The following DDX42 variants were observed in gnomAD, a reference collection of about 807,000 sequenced individuals.
DDX42 encodes the protein ATP-dependent RNA helicase DDX42.
DDX42 carries 22 observed loss-of-function variants against 101.5 expected under a neutral mutation model. That is an observed-to-expected ratio of 0.22 (90% CI 0.15 to 0.31). The LOEUF (loss-of-function observed/expected upper bound fraction) is 0.31. Among genes scored for constraint, DDX42 ranks in the 10% least tolerant of loss-of-function variants. The pLI is 1.00. For synonymous variants in DDX42, 402 were observed against 401.2 expected (o/e 1.00, Z -0.02); for missense variants, 849 against 1,199.9 (o/e 0.71, Z 4.32).
Position 63,811,920 on chromosome 17 carries a change from C to G in DDX42, c.1399-12C>G, listed in dbSNP as rs745489637. 1.2e-6 allele frequency: 2 copies of G among 1,614,180 alleles called. No homozygotes were observed. The highest frequency in any genetic ancestry group is 1.7e-6 in the Non-Finnish European group (2 of 1,179,998). On this transcript the variant is annotated splice_polypyrimidine_tract_variant and intron_variant, in intron 13 of 17. Coordinates refer to ENST00000389924, the MANE Select transcript of DDX42 (RefSeq NM_203499.3). Reference sequence around the variant, plus strand: ...AATGTCACAATCATCTGTTTCATTTCTTCCTTCTCAGGCAAATGAAGATGT... The same window carrying G: ...AATGTCACAATCATCTGTTTCATTTGTTCCTTCTCAGGCAAATGAAGATGT...
chr17:63,793,211 A>G (rs1396747421), intron 3 of DDX42, among the ~76,000 whole-genome samples: 1 of 151,588 alleles, frequency 6.6e-6, no homozygotes, highest in Non-Finnish European at 1.5e-5. Flanking sequence ...CTCTTGTTTT[A>G]TCCAATCTCT....
At chr17:63,789,938 C>T (rs1251705906) in intron 2 of DDX42, among the ~76,000 whole-genome samples, 2 of 152,122 alleles carry the variant, frequency 1.3e-5, no homozygotes, top group African/African-American at 4.8e-5. Flanking sequence ...GTCAAATATA[C>T]AAGTAGTGTT....
intron 1 of DDX42, among the ~76,000 whole-genome samples, chr17:63,785,498 A>G (rs1398100544): frequency 6.9e-6 from 1 of 145,388 alleles, no homozygotes; most frequent in Non-Finnish European, 1.5e-5. Flanking sequence ...GCAGTGGCTC[A>G]TGCCTGTAAT....
Position 63,818,795 on chromosome 17 carries a change from A to T in DDX42, c.*397A>T, listed in dbSNP as rs1417179568. 1.2e-5 allele frequency: 2 copies of T among 163,974 alleles called. No individual in the cohort carries two copies. Among genetic ancestry groups the T allele is most frequent in the Non-Finnish European group, 2.7e-5 (2 of 73,916 alleles). 10.2% of individuals were successfully genotyped at this position (163,974 alleles called of 1,614,324 possible). The stretch of plus-strand genomic sequence containing the variant: ...CTTTTTCTTAGTTGTATGGCCAGGC[A>T]GTCCCCATTTTAGGAGTTGGCTTCT... On this transcript the variant is annotated 3_prime_UTR_variant, in exon 18 of 18. Transcript: ENST00000389924.
At chr17:63,782,140 C>T (rs551924481) in intron 1 of DDX42, among the ~76,000 whole-genome samples, 11 of 151,044 alleles carry the variant, frequency 7.3e-5, no homozygotes, top group African/African-American at 2.4e-4. Context: ...TAGCTGGGCA[C>T]GGTGGTGCGT....
chr17:63,817,816 A>T lies in DDX42; in HGVS notation c.2235A>T (p.Ala745=). 6.2e-7 allele frequency: 1 copy of T among 1,614,198 alleles called. No homozygotes were observed. The change falls in exon 18 of 18, where the codon GCA becomes GCT. Residue 745 remains alanine, a synonymous_variant. Transcript: ENST00000389924. The part of the protein sequence containing the change: ...GSLNSVPTNS[A]QQGHNSPDSP... ...TGAATTCTGTTCCAACTAACTCAGC[A>T]CAACAGGGCCATAACAGTCCTGACA...
chr17:63,814,044 TGGTC>T (rs1408917319), intron 15 of DDX42, among the ~76,000 whole-genome samples: 1 of 152,174 alleles, frequency 6.6e-6, no homozygotes, highest in African/African-American at 2.4e-5. Flanking sequence ...TTTGCCATGT[TGGTC>T]GGGCTGGTCT....
intron 13 of DDX42, 85 bp downstream of exon 13, chr17:63,811,258 TAAAA>T: frequency 1.1e-6 from 1 of 935,654 alleles, no homozygotes; most frequent in Non-Finnish European, 1.5e-6. Context: ...ACTATTGAGA[TAAAA>T]AAAAAAGATG....
chr17:63,798,238 A>G, intron 4 of DDX42, 139 bp downstream of exon 4: 1 of 699,222 alleles, frequency 1.4e-6, no homozygotes, highest in Non-Finnish European at 2.4e-6. Context: ...TGTATCTTGA[A>G]TACTTTAAGA....
At position 63,777,381 on chromosome 17, in the gene DDX42, A is replaced by G. The variant is rs544503705; in HGVS notation, c.-17+3005A>G. Among the ~76,000 whole-genome samples, 16 of 152,320 alleles carry G rather than the reference A, an allele frequency of 1.1e-4. No individual in the cohort carries two copies. The South Asian group carries it at 3.3e-3, about 32-fold the overall frequency. On this transcript the variant is annotated intron_variant, in intron 1 of 17. Transcript: ENST00000389924. ...AGTGAATAAGCCTGTTTCTTCAGCCATGAATCCTATAATACGGAGTTGGAC... is the reference window on the plus strand; with the variant it reads ...AGTGAATAAGCCTGTTTCTTCAGCCGTGAATCCTATAATACGGAGTTGGAC...
rs1289246476 is a variant in DDX42, at chr17:63,800,545, T to C, written c.549T>C (p.Tyr183=). 1 of 1,613,962 alleles carries C rather than the reference T, an allele frequency of 6.2e-7. No homozygotes were observed. Among genetic ancestry groups the C allele is most frequent in the Non-Finnish European group, 8.5e-7 (1 of 1,179,980 alleles). The change falls in exon 6 of 18, where the codon TAT becomes TAC. Residue 183 remains tyrosine, a synonymous_variant. Transcript: ENST00000389924. ...AGGAAGAGGAAGACAATCTAGAATATGATAGTGACGGAAATCCAATTGCAC... is the reference window on the plus strand; with the variant it reads ...AGGAAGAGGAAGACAATCTAGAATACGATAGTGACGGAAATCCAATTGCAC... ...VQEEEEDNLE[Y]DSDGNPIAPT...
intron 7 of DDX42, 111 bp downstream of exon 7, chr17:63,805,286 A>G (rs913670396): frequency 7.5e-7 from 1 of 1,341,892 alleles, no homozygotes; most frequent in Non-Finnish European, 1.0e-6. Flanking sequence ...TGGTCTCTGA[A>G]CTGTCTTTGC....
At chr17:63,808,118 A>T (rs1053871823) in intron 9 of DDX42, among the ~76,000 whole-genome samples, 1 of 152,170 alleles carries the variant, frequency 6.6e-6, no homozygotes, top group Non-Finnish European at 1.5e-5. Flanking sequence ...TATGTGTTAA[A>T]TATTTTCTAT....
intron 4 of DDX42, among the ~76,000 whole-genome samples, chr17:63,799,275 A>G (rs983997741): frequency 6.6e-6 from 1 of 152,020 alleles, no homozygotes; most frequent in Non-Finnish European, 1.5e-5. Flanking sequence ...TGTTTGTTGT[A>G]TGGATTCACA....
chr17:63,797,352 CAAAAAAA>C (rs59892636), intron 3 of DDX42, among the ~76,000 whole-genome samples: 25 of 100,042 alleles, frequency 2.5e-4, no homozygotes, highest in African/African-American at 8.8e-4. Context: ...AACTCCATCT[CAAAAAAA>C]AAAAAAAAAA....
chr17:63,812,531 A>G (rs1016878290), intron 14 of DDX42, among the ~76,000 whole-genome samples: 3 of 152,246 alleles, frequency 2.0e-5, no homozygotes, highest in Non-Finnish European at 2.9e-5. Context: ...TACTATACAC[A>G]GCTTAGTTGG....
At chr17:63,783,937 G>C (rs1270356073) in intron 1 of DDX42, among the ~76,000 whole-genome samples, 1 of 152,024 alleles carries the variant, frequency 6.6e-6, no homozygotes, top group Non-Finnish European at 1.5e-5. Context: ...GGTGGCACAC[G>C]CCTGTAATCC....
chr17:63,774,564 C>G (rs1327461086), intron 1 of DDX42, 188 bp downstream of exon 1: 3 of 160,988 alleles, frequency 1.9e-5, no homozygotes, highest in African/African-American at 7.2e-5. Context: ...GGGTTCCTTC[C>G]TAGCCGCGTC....
At chr17:63,780,554 C>T (rs1032025203) in intron 1 of DDX42, among the ~76,000 whole-genome samples, 1 of 152,178 alleles carries the variant, frequency 6.6e-6, no homozygotes, top group Non-Finnish European at 1.5e-5. Context: ...TGAGTCAAGT[C>T]TATGCCCTCA....
Sources: allele counts gnomAD v4.1 joint callset (sites outside exome capture counted in the v4.1 genomes callset), GRCh38; gene constraint gnomAD v4.1.1; transcripts MANE v1.5; gene names NCBI Gene and HGNC (gene_info 2026-07-23, HGNC 2026-07-21).